The following SLC24A4 variants were observed in gnomAD, a reference collection of about 807,000 sequenced individuals.
The protein encoded by SLC24A4 is sodium/potassium/calcium exchanger 4.
Under a neutral mutation model 79.0 loss-of-function variants are expected in SLC24A4, and 53 were observed. The observed-to-expected ratio is 0.67, with a 90% CI of 0.54 to 0.84. SLC24A4 has a LOEUF of 0.84. Ranked by LOEUF, SLC24A4 falls within the 40% of genes least tolerant of loss-of-function variation. SLC24A4 has a pLI of 0.00. For synonymous variants in SLC24A4, 323 were observed against 323.8 expected, an observed-to-expected ratio of 1.00 and a Z score of 0.03; for missense variants, 731 against 822.0, an observed-to-expected ratio of 0.89 and a Z score of 1.35.
intron 2 of SLC24A4, among the ~76,000 whole-genome samples, chr14:92,415,120 TGGAG>T (rs1870980543): frequency 6.6e-6 from 1 of 152,234 alleles, no homozygotes; most frequent in Non-Finnish European, 1.5e-5. Flanking sequence ...TGCACCTCCA[TGGAG>T]GCCTGGCCTT....
chr14:92,382,243 A>G (rs533482114), intron 2 of SLC24A4, among the ~76,000 whole-genome samples: 1 of 152,296 alleles, frequency 6.6e-6, no homozygotes, highest in African/African-American at 2.4e-5. Context: ...GTTGGAAATT[A>G]TCATTATCAT....
intron 2 of SLC24A4, among the ~76,000 whole-genome samples, chr14:92,334,706 G>A (rs1885676306): frequency 6.6e-6 from 1 of 152,112 alleles, no homozygotes; most frequent in Non-Finnish European, 1.5e-5. Flanking sequence ...ACCCCTTACT[G>A]GCCGTGTGAC....
Position 92,325,925 on chromosome 14 carries a change from A to G in SLC24A4, c.188A>G (p.Lys63Arg). The G allele has an allele frequency of 3.1e-6, 5 of 1,613,218 alleles. No homozygotes were observed. Among genetic ancestry groups the G allele is most frequent in the East Asian group, 2.2e-5 (1 of 44,886 alleles). ...CTGCCAGACACGTGGAGAAATAGAAAGTTGATGGCCCCAGTGAATGGGACA... is the reference window on the plus strand; with the variant it reads ...CTGCCAGACACGTGGAGAAATAGAAGGTTGATGGCCCCAGTGAATGGGACA... The part of the protein sequence containing the change: ...RVLPDTWRNR[K>R]LMAPVNGTQT... The change falls in exon 2 of 17, where the codon AAG becomes AGG. Residue 63 changes from lysine to arginine, a missense_variant. Transcript: ENST00000532405.
chr14:92,335,563 A>G (rs1885739880), intron 2 of SLC24A4, among the ~76,000 whole-genome samples: 1 of 150,920 alleles, frequency 6.6e-6, no homozygotes, highest in African/African-American at 2.4e-5. Context: ...GGGTTTCACC[A>G]TGTTAGTCAG....
intron 2 of SLC24A4, among the ~76,000 whole-genome samples, chr14:92,429,425 C>G (rs897394025): frequency 6.6e-6 from 1 of 152,076 alleles, no homozygotes; most frequent in African/African-American, 2.4e-5. Flanking sequence ...TATACACATA[C>G]GTTCATTCAT....
At chr14:92,472,803 A>G (rs1458225223) in intron 12 of SLC24A4, among the ~76,000 whole-genome samples, 1 of 152,218 alleles carries the variant, frequency 6.6e-6, no homozygotes, top group African/African-American at 2.4e-5. Context: ...GTAGATACCC[A>G]GGAGTGGGAT....
At chr14:92,375,877 T>C (rs1345610149) in intron 2 of SLC24A4, among the ~76,000 whole-genome samples, 3 of 152,208 alleles carry the variant, frequency 2.0e-5, no homozygotes, top group South Asian at 2.1e-4. Context: ...GAGGAAAATA[T>C]TTGCAACAAG....
intron 2 of SLC24A4, among the ~76,000 whole-genome samples, chr14:92,404,786 T>C (rs1396587261): frequency 1.3e-5 from 2 of 152,208 alleles, no homozygotes; most frequent in Non-Finnish European, 2.9e-5. Flanking sequence ...CTTAAATATT[T>C]GTACGTTCTC....
At chr14:92,443,512 GGACCCTGC>G in intron 7 of SLC24A4, 38 bp downstream of exon 7, 1 of 1,608,504 alleles carries the variant, frequency 6.2e-7, no homozygotes, top group African/African-American at 1.3e-5. Flanking sequence ...AGGTTGGCTG[GGACCCTGC>G]GAAGGCACAG....
chr14:92,342,368 ATTT>A (rs1555360040), intron 2 of SLC24A4, among the ~76,000 whole-genome samples: 2 of 147,182 alleles, frequency 1.4e-5, no homozygotes, highest in African/African-American at 5.0e-5. Flanking sequence ...TTCCCCATTT[ATTT>A]ATTTATTTAT....
At chr14:92,443,652 C>T (rs1024253956) in intron 7 of SLC24A4, among the ~76,000 whole-genome samples, 178 bp downstream of exon 7, 1 of 152,210 alleles carries the variant, frequency 6.6e-6, no homozygotes, top group African/African-American at 2.4e-5. Context: ...CAGCACTGTG[C>T]CTCCCTTTCC....
intron 12 of SLC24A4, among the ~76,000 whole-genome samples, chr14:92,475,440 T>C (rs1468490761): frequency 6.6e-6 from 1 of 151,900 alleles, no homozygotes; most frequent in East Asian, 1.9e-4. Flanking sequence ...TCAGGAGAGG[T>C]AGAGATGGTG....
In SLC24A4 at chr14:92,323,670, C is replaced by T. The variant is rs1280168970; in HGVS notation, c.-161C>T. On this transcript the variant is annotated 5_prime_UTR_variant, in exon 1 of 17. Transcript: ENST00000532405. This position sits in a 1 kb window ranked among gnomAD's most constrained non-coding sequence, Gnocchi z 4.9. ...CGTCCCCACCTTCCCAAGGGGCTCC[C>T]CCGCCGACCTCGCCCTCGGGCCATG... 2.3e-6 allele frequency: 2 copies of T among 885,740 alleles called. No homozygotes were observed. Among genetic ancestry groups the T allele is most frequent in the African/African-American group, 3.6e-5 (2 of 55,746 alleles). The allele number at this position is 885,740 out of a possible 1,614,324, so 54.9% of individuals were successfully genotyped here.
At chr14:92,390,988 C>T (rs1889428045) in intron 2 of SLC24A4, among the ~76,000 whole-genome samples, 1 of 152,194 alleles carries the variant, frequency 6.6e-6, no homozygotes, top group South Asian at 2.1e-4. Context: ...CTCTCAGGCC[C>T]AGGGTCTTGG....
intron 2 of SLC24A4, among the ~76,000 whole-genome samples, chr14:92,427,314 G>A (rs73337488): frequency 0.074 from 11,290 of 152,320 alleles, 661 homozygotes; most frequent in African/African-American, 0.14. Flanking sequence ...GTTTGTGCCA[G>A]GACCTGGCAG....
At position 92,442,154 on chromosome 14, in the gene SLC24A4, G is replaced by A; in HGVS notation, c.459G>A (p.Glu153=). The change falls in exon 5 of 17, where the codon GAG becomes GAA. Residue 153 remains glutamate, a synonymous_variant. Transcript: ENST00000532405. ...TFMAAGSSTP[E]LFASVIGVFI... The stretch of plus-strand genomic sequence containing the variant: ...TGGCTGCAGGAAGCTCAACGCCAGA[G>A]CTGTTTGCGTCTGTTATTGGTAAGA... 1 of 1,613,824 alleles carries A rather than the reference G, an allele frequency of 6.2e-7. No individual in the cohort carries two copies. The highest frequency in any genetic ancestry group is 8.5e-7 in the Non-Finnish European group (1 of 1,179,884).
rs1344863788 is a variant in SLC24A4 at position 92,490,248 on chromosome 14, G to A, written c.1538-1417G>A. Among the ~76,000 whole-genome samples the A allele has an allele frequency of 1.3e-5, 2 of 152,240 alleles. No individual in the cohort carries two copies. Among genetic ancestry groups the A allele is most frequent in the African/African-American group, 4.8e-5 (2 of 41,464 alleles). On this transcript the variant is annotated intron_variant, in intron 14 of 16. Coordinates refer to ENST00000532405, the MANE Select transcript of SLC24A4 (RefSeq NM_153646.4). The surrounding 1 kb of genome is among the most constrained non-coding windows in gnomAD (Gnocchi z 4.3). ...TCATTCCAAAAACATGTGTATGTGT[G>A]CCAGGTTAGGACAGTGGTGTGGAAG...
intron 14 of SLC24A4, 109 bp from the exon 15 acceptor site, chr14:92,491,556 C>A: frequency 1.3e-6 from 1 of 763,122 alleles, no homozygotes; most frequent in Non-Finnish European, 2.3e-6. Context: ...AAGGTCCTTG[C>A]AGAAGGAATT....
chr14:92,487,935 G>A (rs565608923), intron 14 of SLC24A4, among the ~76,000 whole-genome samples: 24 of 151,938 alleles, frequency 1.6e-4, no homozygotes, highest in African/African-American at 4.6e-4. Flanking sequence ...CCTTCACACC[G>A]CATTCTTCCC....
Sources: gnomAD v4.1 joint callset for allele counts (sites outside exome capture counted in the v4.1 genomes callset) on GRCh38, gnomAD v4.1.1 for gene constraint, Gnocchi (gnomAD v3.1) non-coding constraint, MANE v1.5 for transcripts, NCBI Gene and HGNC (gene_info 2026-07-23, HGNC 2026-07-21) for gene names.